The following MACROD2 variants were observed in gnomAD, a reference collection of about 807,000 sequenced individuals.
The protein encoded by MACROD2 is mono-ADP ribosylhydrolase 2, also known as ADP-ribose glycohydrolase MACROD2.
MACROD2 carries 36 observed loss-of-function variants against 70.4 expected under a neutral mutation model. The ratio of observed to expected loss-of-function variants is 0.51; its 90% CI spans 0.39 to 0.68. The LOEUF (loss-of-function observed/expected upper bound fraction) is 0.68. Ranked by LOEUF, MACROD2 falls within the 30% of genes least tolerant of loss-of-function variation. MACROD2 has a pLI of 0.00. For missense variants in MACROD2, 496 were observed against 538.4 expected (o/e 0.92, Z 0.78); for synonymous variants, 172 against 178.8 (o/e 0.96, Z 0.30).
At chr20:14,623,448 C>CT (rs1265069338) in intron 4 of MACROD2, among the ~76,000 whole-genome samples, 3 of 152,154 alleles carry the variant, frequency 2.0e-5, no homozygotes, top group Non-Finnish European at 4.4e-5. Context: ...CTGGCAAGGG[C>CT]TTTGGGAGAT....
intron 4 of MACROD2, among the ~76,000 whole-genome samples, chr20:14,544,223 G>T (rs1426034382): frequency 1.4e-5 from 2 of 143,014 alleles, no homozygotes; most frequent in Non-Finnish European, 1.5e-5. Context: ...AAATAAAAAT[G>T]ATTCCTTCTT....
chr20:14,885,758 C>T (rs566687192), intron 5 of MACROD2, among the ~76,000 whole-genome samples: 1 of 152,280 alleles, frequency 6.6e-6, no homozygotes, highest in African/African-American at 2.4e-5. Flanking sequence ...CTTTCCTGTT[C>T]CTCTTCCTTC....
chr20:14,426,241 G>A (rs1196261364), intron 3 of MACROD2, among the ~76,000 whole-genome samples: 1 of 151,652 alleles, frequency 6.6e-6, no homozygotes, highest in Non-Finnish European at 1.5e-5. Flanking sequence ...TGATCTCTTT[G>A]TATTTGATAT....
chr20:14,220,084 A>G (rs1367862766), intron 3 of MACROD2, among the ~76,000 whole-genome samples: 1 of 152,184 alleles, frequency 6.6e-6, no homozygotes, highest in Non-Finnish European at 1.5e-5. Flanking sequence ...GGTGGGGCCT[A>G]GAACAACCAA....
chr20:15,209,883 A>G (rs1381305147), intron 5 of MACROD2, among the ~76,000 whole-genome samples: 1 of 152,214 alleles, frequency 6.6e-6, no homozygotes, highest in Non-Finnish European at 1.5e-5. Context: ...TTTGCCTATG[A>G]ATGTTTGACC....
rs184149507 is a variant in MACROD2 at position 15,313,235 on chromosome 20, G to A, written c.540+83174G>A. ...TAAAAAATGATATGCGGCCGTGTGC[G>A]GTGGCTCACACCTGTAATCCCAGCA... On this transcript the variant is annotated intron_variant, in intron 6 of 17. Coordinates refer to ENST00000684519, the MANE Select transcript of MACROD2 (RefSeq NM_001351661.2). Among the ~76,000 whole-genome samples the A allele has an allele frequency of 1.8e-3, 276 of 152,142 alleles. 1 individual carries two copies. The highest frequency in any genetic ancestry group is 5.3e-3 in the African/African-American group (218 of 41,504).
intron 15 of MACROD2, 41 bp downstream of exon 15, chr20:15,987,199 T>A: frequency 6.9e-7 from 1 of 1,454,408 alleles, no homozygotes; most frequent in African/African-American, 1.4e-5. Context: ...AATGGAGAGT[T>A]TCTTTGGATT....
chr20:14,830,806 A>G lies in MACROD2; in HGVS notation c.418+145847A>G, dbSNP rs867771675. Among the ~76,000 whole-genome samples the G allele has an allele frequency of 1.1e-4, 17 of 152,292 alleles. No individual in the cohort carries two copies. In the Middle Eastern group the frequency reaches 0.01, roughly 91 times the overall value. On this transcript the variant is annotated intron_variant, in intron 5 of 17. Transcript: ENST00000684519. The stretch of plus-strand genomic sequence containing the variant: ...GGCACTTGAGAAACAATAATTTACC[A>G]TAATTGAACCAGCCACAAATATTTA...
chr20:14,384,004 A>G (rs1397520809), intron 3 of MACROD2, among the ~76,000 whole-genome samples: 1 of 152,144 alleles, frequency 6.6e-6, no homozygotes, highest in East Asian at 1.9e-4. Context: ...GCTTATATTA[A>G]CCATTCATTT....
At chr20:14,747,652 C>T (rs2071816590) in intron 5 of MACROD2, among the ~76,000 whole-genome samples, 1 of 151,996 alleles carries the variant, frequency 6.6e-6, no homozygotes, top group Admixed American at 6.6e-5. Context: ...GAGGCTCTTG[C>T]TCGGGTGGAA....
intron 6 of MACROD2, among the ~76,000 whole-genome samples, chr20:15,401,662 G>A (rs6135406): frequency 0.078 from 11,916 of 152,232 alleles, 706 homozygotes; most frequent in East Asian, 0.21. Flanking sequence ...TTAAACAATT[G>A]TAAAATACTT....
chr20:15,620,900 A>T (rs569081343), intron 8 of MACROD2, among the ~76,000 whole-genome samples: 1 of 152,184 alleles, frequency 6.6e-6, no homozygotes, highest in African/African-American at 2.4e-5. Flanking sequence ...AAAATGTGTT[A>T]TCAAGCAGTA....
intron 5 of MACROD2, among the ~76,000 whole-genome samples, chr20:15,172,072 A>G (rs1045906972): frequency 1.3e-5 from 2 of 152,252 alleles, no homozygotes; most frequent in Non-Finnish European, 2.9e-5. Context: ...TAAAAGACCT[A>G]AGCTCAAGAT....
chr20:15,208,508 C>T (rs1010021865), intron 5 of MACROD2, among the ~76,000 whole-genome samples: 4 of 152,078 alleles, frequency 2.6e-5, no homozygotes, highest in Admixed American at 2.0e-4. Flanking sequence ...TGTTATAAGA[C>T]TCTGGATCTT....
chr20:14,837,554 T>C (rs570425391), intron 5 of MACROD2, among the ~76,000 whole-genome samples: 1 of 152,100 alleles, frequency 6.6e-6, no homozygotes, highest in African/African-American at 2.4e-5. Flanking sequence ...TAACTGTGTC[T>C]TGAAATCTCC....
intron 3 of MACROD2, among the ~76,000 whole-genome samples, chr20:14,444,361 G>A (rs545548172): frequency 2.0e-5 from 3 of 152,068 alleles, no homozygotes; most frequent in South Asian, 2.1e-4. Context: ...ACAAATGATC[G>A]CCATTCCCTC....
At chr20:14,699,454 G>A (rs1425442948) in intron 5 of MACROD2, among the ~76,000 whole-genome samples, 1 of 152,144 alleles carries the variant, frequency 6.6e-6, no homozygotes, top group African/African-American at 2.4e-5. Context: ...TAGGGACTTT[G>A]CAGCAACATG....
At chr20:14,525,648 G>A (rs927812290) in intron 4 of MACROD2, among the ~76,000 whole-genome samples, 1 of 152,194 alleles carries the variant, frequency 6.6e-6, no homozygotes, top group Non-Finnish European at 1.5e-5. Flanking sequence ...GTGTTACCAC[G>A]CTGGTGTGTC....
rs1555913502 is a variant in MACROD2, at chr20:14,049,182, A to AAAAAAC, written c.164-36434_164-36433insCAAAAA. On this transcript the variant is annotated intron_variant, in intron 2 of 17. Transcript: ENST00000684519. ...ACTAAAAATATATTTAATAAAAAAA[A>AAAAAAC]AAAAAAACAAAAAAACAAAAAAGCC... 9.3e-5 allele frequency among the ~76,000 whole-genome samples: 9 copies of AAAAAAC among 97,244 alleles called. No homozygotes were observed. The South Asian group carries it at 1.2e-3, about 13-fold the overall frequency. 63.8% of individuals were successfully genotyped at this position (97,244 alleles called of 152,430 possible). A position where few individuals can be genotyped will look rare whatever the true frequency, so the allele number is the denominator to read the frequency against.
Sources: gnomAD v4.1 joint callset for allele counts (sites outside exome capture counted in the v4.1 genomes callset) on GRCh38, gnomAD v4.1.1 for gene constraint, MANE v1.5 for transcripts, NCBI Gene and HGNC (gene_info 2026-07-23, HGNC 2026-07-21) for gene names.